The following PPM1E variants were observed in gnomAD, a reference collection of about 807,000 sequenced individuals.
The protein encoded by PPM1E is protein phosphatase 1E.
A neutral mutation model predicts 65.9 loss-of-function variants in PPM1E; 20 were observed. That is an observed-to-expected ratio of 0.30 (90% CI 0.21 to 0.44). PPM1E has a LOEUF of 0.44. Among genes scored for constraint, PPM1E ranks in the 20% least tolerant of loss-of-function variants. PPM1E has a pLI of 1.00. For missense variants in PPM1E, 713 were observed against 953.1 expected, an observed-to-expected ratio of 0.75 and a Z score of 3.32; for synonymous variants, 352 against 374.9, an observed-to-expected ratio of 0.94 and a Z score of 0.70.
At chr17:58,820,072 T>C (rs1162175042) in intron 1 of PPM1E, among the ~76,000 whole-genome samples, 1 of 151,688 alleles carries the variant, frequency 6.6e-6, no homozygotes, top group Non-Finnish European at 1.5e-5. Flanking sequence ...GATAAATAAA[T>C]AAAGGACATG....
intron 1 of PPM1E, among the ~76,000 whole-genome samples, chr17:58,771,774 T>C (rs1254768146): frequency 6.6e-6 from 1 of 152,150 alleles, no homozygotes; most frequent in Non-Finnish European, 1.5e-5. Flanking sequence ...AAGTGGCAAA[T>C]TAATTTTTTA....
chr17:58,913,070 G>A (rs910272147), intron 1 of PPM1E, among the ~76,000 whole-genome samples: 1 of 152,164 alleles, frequency 6.6e-6, no homozygotes, highest in African/African-American at 2.4e-5. Context: ...AGTAAGTAAA[G>A]TTTTGCCTGA....
chr17:58,811,739 C>T (rs2050370197), intron 1 of PPM1E, among the ~76,000 whole-genome samples: 1 of 151,914 alleles, frequency 6.6e-6, no homozygotes, highest in Non-Finnish European at 1.5e-5. Flanking sequence ...GGTGCGATCT[C>T]AGCCCTCTGC....
chr17:58,824,791 G>A (rs1304052093), intron 1 of PPM1E, among the ~76,000 whole-genome samples: 1 of 145,002 alleles, frequency 6.9e-6, no homozygotes, highest in Non-Finnish European at 1.5e-5. Context: ...TTTTTTTTCA[G>A]TAGTGACAGA....
chr17:58,826,013 G>A (rs1250228291), intron 1 of PPM1E, among the ~76,000 whole-genome samples: 1 of 151,694 alleles, frequency 6.6e-6, no homozygotes, highest in African/African-American at 2.4e-5. Context: ...TTTAGGCCAG[G>A]CATGGTGGCT....
At chr17:58,895,068 ACTT>A (rs933333618) in intron 1 of PPM1E, among the ~76,000 whole-genome samples, 2 of 152,004 alleles carry the variant, frequency 1.3e-5, no homozygotes, top group African/African-American at 4.8e-5. Flanking sequence ...AATATCCCAA[ACTT>A]CTTATTATTA....
chr17:58,895,099 A>G (rs1263591197), intron 1 of PPM1E, among the ~76,000 whole-genome samples: 1 of 152,128 alleles, frequency 6.6e-6, no homozygotes, highest in East Asian at 1.9e-4. Flanking sequence ...TGTTATGGCC[A>G]TCTGTAGTCG....
chr17:58,967,844 T>G (rs1479104710), intron 3 of PPM1E, among the ~76,000 whole-genome samples: 5 of 151,186 alleles, frequency 3.3e-5, no homozygotes, highest in African/African-American at 1.2e-4. Context: ...TCGCTCTGTC[T>G]CCAGGCTGGA....
At chr17:58,972,993 A>C (rs573953103) in intron 6 of PPM1E, 68 bp downstream of exon 6, 490 of 1,064,194 alleles carry the variant, frequency 4.6e-4, no homozygotes, top group Non-Finnish European at 5.4e-4. Context: ...ATCAACTCTG[A>C]TACAGGGAAC....
At chr17:58,816,266 C>T (rs1436746752) in intron 1 of PPM1E, among the ~76,000 whole-genome samples, 7 of 151,518 alleles carry the variant, frequency 4.6e-5, no homozygotes, top group East Asian at 1.9e-4. Context: ...CCTTGTGATC[C>T]GCCTGCCTTG....
At chr17:58,811,212 G>C (rs1005324655) in intron 1 of PPM1E, among the ~76,000 whole-genome samples, 1 of 152,140 alleles carries the variant, frequency 6.6e-6, no homozygotes, top group Non-Finnish European at 1.5e-5. Flanking sequence ...TGTATCTCAA[G>C]ATGATTTTCA....
chr17:58,866,397 C>A (rs944927419), intron 1 of PPM1E, among the ~76,000 whole-genome samples: 1 of 152,196 alleles, frequency 6.6e-6, no homozygotes, highest in African/African-American at 2.4e-5. Context: ...TTCTACAGTG[C>A]CCCTTGCTGC....
At chr17:58,798,875 G>A (rs954885774) in intron 1 of PPM1E, among the ~76,000 whole-genome samples, 1 of 151,824 alleles carries the variant, frequency 6.6e-6, no homozygotes, top group African/African-American at 2.4e-5. Flanking sequence ...TGTATTTTTA[G>A]TAGAGATGGG....
At chr17:58,900,218 AAAG>A (rs2051481603) in intron 1 of PPM1E, among the ~76,000 whole-genome samples, 1 of 152,216 alleles carries the variant, frequency 6.6e-6, no homozygotes, top group African/African-American at 2.4e-5. Flanking sequence ...TCCAATTTTG[AAAG>A]AAGTTCTACT....
Position 58,821,091 on chromosome 17 carries a change from TTTTGTTTG to T in PPM1E, c.464+64650_464+64657del, listed in dbSNP as rs564976079. ...ATAAACCTTCAGCTTAGCTTTGTAT[TTTTGTTTG>T]TTTGTTTGTTTGTTTGTTTTTGGTT... On this transcript the variant is annotated intron_variant, in intron 1 of 6. Transcript: ENST00000308249. Among the ~76,000 whole-genome samples, 759 of 152,046 alleles carry T rather than the reference TTTTGTTTG, an allele frequency of 5.0e-3. 2 individuals carry two copies. Among genetic ancestry groups the T allele is most frequent in the African/African-American group, 0.018 (734 of 41,478 alleles).
chr17:58,944,483 C>T (rs929486184), intron 1 of PPM1E, among the ~76,000 whole-genome samples: 1 of 152,130 alleles, frequency 6.6e-6, no homozygotes, highest in African/African-American at 2.4e-5. Flanking sequence ...AGCAGTCACT[C>T]CTCATTCCCA....
intron 1 of PPM1E, among the ~76,000 whole-genome samples, chr17:58,825,451 G>T (rs557910886): frequency 2.0e-5 from 3 of 150,444 alleles, no homozygotes; most frequent in Admixed American, 2.0e-4. Flanking sequence ...ATATCTAAGC[G>T]TTTTTCAATT....
chr17:58,862,601 G>T (rs1316377297), intron 1 of PPM1E, among the ~76,000 whole-genome samples: 1 of 152,176 alleles, frequency 6.6e-6, no homozygotes, highest in African/African-American at 2.4e-5. Flanking sequence ...CTACCTTGAA[G>T]GGGCTTTCAG....
chr17:58,868,776 T>C (rs1229595812), intron 1 of PPM1E, among the ~76,000 whole-genome samples: 2 of 152,182 alleles, frequency 1.3e-5, no homozygotes, highest in African/African-American at 2.4e-5. Flanking sequence ...ATGGGTACGT[T>C]CAGCAAAATA....
Sources: gnomAD v4.1 joint callset for allele counts (sites outside exome capture counted in the v4.1 genomes callset) on GRCh38, gnomAD v4.1.1 for gene constraint, MANE v1.5 for transcripts, NCBI Gene and HGNC (gene_info 2026-07-23, HGNC 2026-07-21) for gene names.